RANBP2: variants seen among roughly 807,000 people sequenced by gnomAD.
RANBP2 encodes E3 SUMO-protein ligase RanBP2.
RANBP2 carries 57 observed loss-of-function variants against 303.6 expected under a neutral mutation model. The observed-to-expected ratio is 0.19, with a 90% CI of 0.15 to 0.23. RANBP2 has a LOEUF of 0.23. Ranked by LOEUF, RANBP2 falls within the 10% of genes least tolerant of loss-of-function variation. The pLI is 1.00. For missense variants in RANBP2, 3,138 were observed against 3,780.8 expected, an observed-to-expected ratio of 0.83 and a Z score of 4.46; for synonymous variants, 1,167 against 1,301.5, an observed-to-expected ratio of 0.90 and a Z score of 2.23.
At chr2:109,478,474 A>C in the RANBP2 span, among the ~76,000 whole-genome samples, 1 of 152,142 alleles carries the variant, frequency 6.6e-6, no homozygotes, top group African/African-American at 2.4e-5. Context: ...GAATGTATTC[A>C]GTTATCTAGA....
the RANBP2 span, among the ~76,000 whole-genome samples, chr2:109,468,576 C>T: frequency 5.3e-5 from 8 of 151,972 alleles, no homozygotes; most frequent in African/African-American, 1.5e-4. Flanking sequence ...AAGTTAGGCC[C>T]GGTGTGGTAG....
At chr2:109,539,353 G>A in the RANBP2 span, among the ~76,000 whole-genome samples, 1 of 152,062 alleles carries the variant, frequency 6.6e-6, no homozygotes, top group Non-Finnish European at 1.5e-5. Context: ...AATGTATGTA[G>A]CCATGTGACC....
chr2:108,786,071 G>GTA (rs1558948663), downstream of RANBP2, among the ~76,000 whole-genome samples: 1 of 151,830 alleles, frequency 6.6e-6, no homozygotes, highest in African/African-American at 2.4e-5. Context: ...TCAGGTTGAT[G>GTA]TATACTATGT....
At chr2:109,061,719 G>A in the RANBP2 span, among the ~76,000 whole-genome samples, 1 of 152,164 alleles carries the variant, frequency 6.6e-6, no homozygotes, top group Non-Finnish European at 1.5e-5. Context: ...TTATGGGAGA[G>A]TGTACAATTT....
chr2:109,056,708 C>G, the RANBP2 span, among the ~76,000 whole-genome samples: 94 of 152,332 alleles, frequency 6.2e-4, 3 homozygotes, highest in South Asian at 0.016. Flanking sequence ...TTGGTAAGTT[C>G]TTTGATGTAA....
chr2:109,249,221 C>G, the RANBP2 span, among the ~76,000 whole-genome samples: 111 of 152,338 alleles, frequency 7.3e-4, no homozygotes, highest in Admixed American at 3.7e-3. Flanking sequence ...CAACTCCCCC[C>G]CGACTCCTAC....
the RANBP2 span, chr2:109,503,880 A>C: frequency 6.6e-6 from 1 of 152,232 alleles, no homozygotes. Flanking sequence ...CACTGCATGC[A>C]GCATGGTAGA....
chr2:109,304,364 T>C, the RANBP2 span, among the ~76,000 whole-genome samples: 1 of 152,208 alleles, frequency 6.6e-6, no homozygotes, highest in East Asian at 1.9e-4. Flanking sequence ...GACTGGCTTA[T>C]TTCGTTTAAC....
chr2:108,963,711 G>A, the RANBP2 span, among the ~76,000 whole-genome samples: 4 of 152,198 alleles, frequency 2.6e-5, no homozygotes, highest in Non-Finnish European at 4.4e-5. Context: ...AGAATGTTGC[G>A]GCCAATTCTG....
At chr2:109,777,276 G>T in the RANBP2 span, among the ~76,000 whole-genome samples, 171 of 148,760 alleles carry the variant, frequency 1.1e-3, 2 homozygotes, top group South Asian at 0.014. Flanking sequence ...TTTGTCAAAG[G>T]CTTTTCTACA....
At chr2:108,855,954 T>C in the RANBP2 span, among the ~76,000 whole-genome samples, 25 of 152,330 alleles carry the variant, frequency 1.6e-4, no homozygotes, top group Middle Eastern at 3.4e-3. Flanking sequence ...CGGTTTTTTT[T>C]CCCTCTGAAT....
chr2:109,673,876 G>T, the RANBP2 span, among the ~76,000 whole-genome samples: 2 of 152,080 alleles, frequency 1.3e-5, no homozygotes, highest in African/African-American at 2.4e-5. Context: ...ATATTTTCAG[G>T]TTTTTTCCCC....
At chr2:109,078,005 C>A in the RANBP2 span, among the ~76,000 whole-genome samples, 5 of 143,548 alleles carry the variant, frequency 3.5e-5, no homozygotes. Context: ...GATATTTGCA[C>A]TCTCATGTTC....
chr2:109,587,144 A>G, the RANBP2 span, among the ~76,000 whole-genome samples: 1 of 152,208 alleles, frequency 6.6e-6, no homozygotes, highest in African/African-American at 2.4e-5. Flanking sequence ...AGATGGATAT[A>G]ATGGGTGGCA....
chr2:109,020,500 C>T, the RANBP2 span, among the ~76,000 whole-genome samples: 3 of 152,192 alleles, frequency 2.0e-5, no homozygotes, highest in Admixed American at 6.5e-5. Context: ...CAGATTCCAA[C>T]GTGAACAATG....
chr2:108,907,997 T>C, the RANBP2 span: 2 of 1,610,306 alleles, frequency 1.2e-6, no homozygotes, highest in Non-Finnish European at 1.7e-6. Context: ...AGCTGCTCAT[T>C]CTCGGATGAG....
chr2:109,123,397 T>G, the RANBP2 span, among the ~76,000 whole-genome samples: 1 of 137,676 alleles, frequency 7.3e-6, no homozygotes, highest in Non-Finnish European at 1.6e-5. Flanking sequence ...CCTCCCTCCC[T>G]TCCCCTGAAG....
the RANBP2 span, chr2:109,543,208 A>G: frequency 6.6e-6 from 1 of 152,600 alleles, no homozygotes; most frequent in Admixed American, 6.5e-5. Flanking sequence ...TATTTTCTTA[A>G]AAAGTATTTT....
At chr2:108,981,036 G>A in the RANBP2 span, among the ~76,000 whole-genome samples, 1 of 152,202 alleles carries the variant, frequency 6.6e-6, no homozygotes, top group Non-Finnish European at 1.5e-5. Context: ...GCCCGTGAGT[G>A]CATACAGAGC....
Sources: gnomAD v4.1 joint callset for allele counts (sites outside exome capture counted in the v4.1 genomes callset) on GRCh38, gnomAD v4.1.1 for gene constraint, MANE v1.5 for transcripts, NCBI Gene and HGNC (gene_info 2026-07-23, HGNC 2026-07-21) for gene names.